FAM185A: variants seen among roughly 807,000 people sequenced by gnomAD.
FAM185A encodes the protein protein FAM185A.
In FAM185A, 21 loss-of-function variants were observed where a neutral mutation model predicts 45.7. The ratio of observed to expected loss-of-function variants is 0.46; its 90% CI spans 0.33 to 0.66. FAM185A has a LOEUF of 0.66. FAM185A is among the 30% of genes least tolerant of loss of function. The probability of loss-of-function intolerance (pLI) is 0.03; values close to 1 mark genes in which losing one functional copy is unlikely to be tolerated. For missense variants in FAM185A, 305 were observed against 485.4 expected (o/e 0.63, Z 3.49); for synonymous variants, 117 against 194.0 (o/e 0.60, Z 3.30).
the FAM185A span, among the ~76,000 whole-genome samples, chr7:102,834,118 G>GA: frequency 8.7e-6 from 1 of 114,626 alleles, no homozygotes; most frequent in African/African-American, 4.4e-5. Context: ...AAGAAAGAAA[G>GA]AAAGAAAGAA....
chr7:102,845,461 G>T, the FAM185A span, among the ~76,000 whole-genome samples: 1 of 152,152 alleles, frequency 6.6e-6, no homozygotes, highest in Non-Finnish European at 1.5e-5. Flanking sequence ...CACAAGAAGA[G>T]AAATTTTGAC....
At position 102,772,435 on chromosome 7, in the gene FAM185A, G is replaced by T; in HGVS notation, c.820G>T (p.Gly274Cys). The T allele has an allele frequency of 1.9e-6, 3 of 1,544,600 alleles. No homozygotes were observed. The highest frequency in any genetic ancestry group is 2.6e-6 in the Non-Finnish European group (3 of 1,144,128). ...HGNITLQSKM[G>C]NITVDSSSGC... The stretch of plus-strand genomic sequence containing the variant: ...TAATATAACATTACAAAGCAAGATG[G>T]GTAACATCACAGTAGGTATGTGCTA... Residue 274 changes from glycine (G) to cysteine (C), a missense_variant, in exon 5 of 8, where the codon GGT (glycine) becomes TGT (cysteine). Gly to Cys is a radical substitution (Grantham distance 159). Coordinates refer to ENST00000413034, the MANE Select transcript of FAM185A (RefSeq NM_001145268.2).
At chr7:102,813,561 T>C (rs898156986), downstream of FAM185A, 7 of 1,599,586 alleles carry the variant, frequency 4.4e-6, no homozygotes, top group Middle Eastern at 1.7e-4. Flanking sequence ...CATTAGCTAG[T>C]TGCAGAAGTA....
chr7:102,766,436 A>G (rs1258179421), intron 4 of FAM185A, among the ~76,000 whole-genome samples: 1 of 152,218 alleles, frequency 6.6e-6, no homozygotes, highest in Non-Finnish European at 1.5e-5. Flanking sequence ...CTACTTTTTT[A>G]TTTTTGAAAT....
At chr7:102,776,589 C>G (rs1290490722) in intron 5 of FAM185A, among the ~76,000 whole-genome samples, 6 of 151,548 alleles carry the variant, frequency 4.0e-5, no homozygotes, top group Admixed American at 1.3e-4. Context: ...CCCTTCTGCC[C>G]CTTAAAGAAA....
the FAM185A span, among the ~76,000 whole-genome samples, chr7:102,834,379 A>ATT: frequency 2.8e-5 from 4 of 144,042 alleles, no homozygotes; most frequent in African/African-American, 1.1e-4. Flanking sequence ...TTATATATAA[A>ATT]TTATATATAT....
intron 2 of FAM185A, among the ~76,000 whole-genome samples, chr7:102,756,162 C>A (rs186296120): frequency 6.6e-6 from 1 of 151,684 alleles, no homozygotes; most frequent in African/African-American, 2.4e-5. Flanking sequence ...GTGTTGCCCA[C>A]GCCGGAGTGC....
intron 6 of FAM185A, among the ~76,000 whole-genome samples, chr7:102,784,456 C>CCAG (rs1427847106): frequency 1.3e-5 from 2 of 152,332 alleles, no homozygotes; most frequent in Middle Eastern, 3.4e-3. Flanking sequence ...CAAACTGAAT[C>CCAG]CAGCAGCACA....
Position 102,787,443 on chromosome 7 carries a change from G to T in FAM185A, c.1040G>T (p.Arg347Leu). The T allele has an allele frequency of 1.3e-6, 2 of 1,534,502 alleles. No homozygotes were observed. The highest frequency in any genetic ancestry group is 8.8e-7 in the Non-Finnish European group (1 of 1,134,400). ...EVHVQEMAEV[R>L]KDDVVTVTGL... ...CATGTTCAGGAAATGGCTGAAGTTC[G>T]TAAAGATGATGTTGTAACAGTGACT... Residue 347 changes from arginine to leucine, a missense_variant, in exon 7 of 8, where the codon CGT becomes CTT. Physicochemically the swap from Arg to Leu is moderately radical, Grantham distance 102. Transcript: ENST00000413034.
chr7:102,821,994 C>A, the FAM185A span: 1 of 1,588,612 alleles, frequency 6.3e-7, no homozygotes, highest in South Asian at 1.1e-5. Context: ...TATGTTTTCT[C>A]AGAAAGTAGT....
intron 7 of FAM185A, among the ~76,000 whole-genome samples, chr7:102,794,753 T>C (rs1056561255): frequency 6.6e-6 from 1 of 152,240 alleles, no homozygotes; most frequent in African/African-American, 2.4e-5. Context: ...AAACTGGAAA[T>C]GACTTAAATA....
chr7:102,789,653 G>A (rs1330920099), intron 7 of FAM185A, among the ~76,000 whole-genome samples: 1 of 152,296 alleles, frequency 6.6e-6, no homozygotes, highest in African/African-American at 2.4e-5. Context: ...AGGGTGCAAT[G>A]AGCCAAGATC....
chr7:102,837,191 A>G, the FAM185A span, among the ~76,000 whole-genome samples: 1 of 152,236 alleles, frequency 6.6e-6, no homozygotes, highest in Non-Finnish European at 1.5e-5. Context: ...CATCAGAGCA[A>G]GTGGGACTGG....
intron 6 of FAM185A, among the ~76,000 whole-genome samples, chr7:102,785,067 C>T (rs1795690563): frequency 6.6e-6 from 1 of 152,130 alleles, no homozygotes; most frequent in African/African-American, 2.4e-5. Flanking sequence ...CATGAGTGAA[C>T]TCCCATTTAC....
At chr7:102,847,517 AT>A in the FAM185A span, among the ~76,000 whole-genome samples, 1 of 151,298 alleles carries the variant, frequency 6.6e-6, no homozygotes, top group Non-Finnish European at 1.5e-5. Flanking sequence ...TTAACACTCA[AT>A]TTTTTTTTCT....
At chr7:102,781,168 C>T (rs1422182148) in intron 6 of FAM185A, among the ~76,000 whole-genome samples, 3 of 152,174 alleles carry the variant, frequency 2.0e-5, no homozygotes, top group Non-Finnish European at 2.9e-5. Flanking sequence ...CCATGAAGCT[C>T]GAACTGGGTG....
chr7:102,763,181 T>C (rs1346886466), intron 4 of FAM185A, among the ~76,000 whole-genome samples: 1 of 152,066 alleles, frequency 6.6e-6, no homozygotes, highest in African/African-American at 2.4e-5. Flanking sequence ...GTAAAACAGG[T>C]GGTCTTTTTT....
At chr7:102,841,857 G>A in the FAM185A span, among the ~76,000 whole-genome samples, 1 of 152,156 alleles carries the variant, frequency 6.6e-6, no homozygotes, top group East Asian at 1.9e-4. Context: ...GGCATGGATA[G>A]CCAAGCAGCA....
chr7:102,803,355 A>G (rs1157458101), intron 7 of FAM185A, among the ~76,000 whole-genome samples: 1 of 152,248 alleles, frequency 6.6e-6, no homozygotes, highest in African/African-American at 2.4e-5. Flanking sequence ...GTTCCATACC[A>G]GGGATGGAGG....
Sources: gnomAD v4.1 joint callset for allele counts (sites outside exome capture counted in the v4.1 genomes callset) on GRCh38, gnomAD v4.1.1 for gene constraint, MANE v1.5 for transcripts, NCBI Gene and HGNC (gene_info 2026-07-23, HGNC 2026-07-21) for gene names.